PUS10: variants seen among roughly 807,000 people sequenced by gnomAD.
The protein encoded by PUS10 is tRNA pseudouridine synthase Pus10.
Under a neutral mutation model 75.0 loss-of-function variants are expected in PUS10, and 59 were observed. The ratio of observed to expected loss-of-function variants is 0.79; its 90% CI spans 0.64 to 0.98. The LOEUF is 0.98. PUS10 is among the 50% of genes least tolerant of loss of function. The pLI is 0.00. For missense variants in PUS10, 650 were observed against 614.4 expected, an observed-to-expected ratio of 1.06 and a Z score of -0.61; for synonymous variants, 219 against 211.6, an observed-to-expected ratio of 1.03 and a Z score of -0.30.
At chr2:60,944,401 G>A (rs572696114) in intron 17 of PUS10, 1 of 205,798 alleles carries the variant, frequency 4.9e-6, no homozygotes, top group East Asian at 1.8e-4. Flanking sequence ...AAATCCCCAA[G>A]TCCTAAGATT....
chr2:60,978,146 G>A (rs1677150560), intron 4 of PUS10, among the ~76,000 whole-genome samples: 1 of 152,060 alleles, frequency 6.6e-6, no homozygotes, highest in Non-Finnish European at 1.5e-5. Context: ...AGGGCAGGCC[G>A]GCTTGGGGCT....
At position 61,008,801 on chromosome 2, in the gene PUS10, C is replaced by T. The variant is rs1054883790; in HGVS notation, c.341G>A (p.Gly114Glu). 1.3e-6 allele frequency: 2 copies of T among 1,597,588 alleles called. No homozygotes were observed. Among genetic ancestry groups the T allele is most frequent in the Non-Finnish European group, 1.7e-6 (2 of 1,172,266 alleles). Residue 114 changes from glycine to glutamate, a missense_variant, in exon 3 of 18, where the codon GGA becomes GAA. Physicochemically the swap from Gly to Glu is moderately conservative, Grantham distance 98. Transcript: ENST00000316752. ...SNLNVCNVCL[G>E]ILQEFCEKDF... Reference sequence around the variant, plus strand: ...TTTCTCACAGAATTCTTGAAGAATTCCTAGGCATACATTACATACATTTAA... The same window carrying T: ...TTTCTCACAGAATTCTTGAAGAATTTCTAGGCATACATTACATACATTTAA...
At chr2:60,952,098 G>A (rs1675370498) in intron 15 of PUS10, among the ~76,000 whole-genome samples, 1 of 152,166 alleles carries the variant, frequency 6.6e-6, no homozygotes, top group South Asian at 2.1e-4. Flanking sequence ...CACTTTGGGA[G>A]GCTGGGGCAG....
intron 2 of PUS10, chr2:61,010,779 A>G (rs1679546971): frequency 6.5e-7 from 1 of 1,550,032 alleles, no homozygotes; most frequent in Non-Finnish European, 8.7e-7. Flanking sequence ...TTCTAGTTCC[A>G]AATCCTAGGT....
At chr2:60,950,567 G>A (rs528409644) in intron 15 of PUS10, among the ~76,000 whole-genome samples, 8 of 151,976 alleles carry the variant, frequency 5.3e-5, no homozygotes, top group Admixed American at 1.3e-4. Flanking sequence ...ACAGGCATGC[G>A]CCACCACACC....
intron 16 of PUS10, among the ~76,000 whole-genome samples, chr2:60,947,815 C>G (rs754376350): frequency 8.3e-6 from 1 of 120,226 alleles, no homozygotes; most frequent in Non-Finnish European, 1.6e-5. Flanking sequence ...GGCGACAGAG[C>G]GAGACTCTGC....
chr2:60,992,139 T>C (rs1456193858), intron 4 of PUS10, among the ~76,000 whole-genome samples: 1 of 152,028 alleles, frequency 6.6e-6, no homozygotes, highest in African/African-American at 2.4e-5. Context: ...AGCTTCCAAG[T>C]AGCTGGGACT....
At chr2:60,961,195 T>C (rs1316024141) in intron 10 of PUS10, among the ~76,000 whole-genome samples, 2 of 152,238 alleles carry the variant, frequency 1.3e-5, no homozygotes, top group Non-Finnish European at 2.9e-5. Flanking sequence ...CCCATATTTC[T>C]ACTTGGCCAT....
At chr2:60,944,578 C>A (rs1674822849) in intron 17 of PUS10, among the ~76,000 whole-genome samples, 1 of 152,274 alleles carries the variant, frequency 6.6e-6, no homozygotes, top group East Asian at 1.9e-4. Flanking sequence ...TCAATTCAGA[C>A]TGTAAGAGCA....
intron 5 of PUS10, among the ~76,000 whole-genome samples, chr2:60,968,160 T>C (rs1676455336): frequency 6.6e-6 from 1 of 152,144 alleles, no homozygotes; most frequent in African/African-American, 2.4e-5. Context: ...TATTATCAGA[T>C]AAATAGCTGA....
intron 4 of PUS10, among the ~76,000 whole-genome samples, chr2:61,003,183 C>T (rs1011670148): frequency 5.3e-5 from 8 of 152,010 alleles, no homozygotes; most frequent in Non-Finnish European, 8.8e-5. Flanking sequence ...CTATTGGGGC[C>T]GGGAGCGGTG....
intron 4 of PUS10, among the ~76,000 whole-genome samples, chr2:60,995,532 A>T (rs1385303470): frequency 1.3e-5 from 2 of 152,166 alleles, no homozygotes; most frequent in Non-Finnish European, 2.9e-5. Flanking sequence ...AACAAGAAAA[A>T]CCTAGACCTG....
chr2:60,951,009 G>A (rs567927318), intron 15 of PUS10, among the ~76,000 whole-genome samples: 1 of 152,152 alleles, frequency 6.6e-6, no homozygotes, highest in African/African-American at 2.4e-5. Context: ...TTAGTCTAAG[G>A]GGAATAAAGT....
intron 17 of PUS10, among the ~76,000 whole-genome samples, chr2:60,944,628 C>T (rs1371632020): frequency 6.6e-6 from 1 of 152,196 alleles, no homozygotes; most frequent in African/African-American, 2.4e-5. Context: ...TATAGAACTG[C>T]TTTTATGAAG....
At chr2:60,992,872 C>T (rs1678199689) in intron 4 of PUS10, among the ~76,000 whole-genome samples, 1 of 152,206 alleles carries the variant, frequency 6.6e-6, no homozygotes, top group Non-Finnish European at 1.5e-5. Context: ...TTTGATCATA[C>T]TCGATACCGC....
intron 4 of PUS10, among the ~76,000 whole-genome samples, chr2:60,982,407 T>C (rs926700317): frequency 1.3e-5 from 2 of 151,854 alleles, no homozygotes; most frequent in Non-Finnish European, 2.9e-5. Context: ...GGATTACAGG[T>C]GTGCACCACC....
At chr2:60,961,767 G>A (rs1034263677) in intron 9 of PUS10, among the ~76,000 whole-genome samples, 4 of 152,102 alleles carry the variant, frequency 2.6e-5, no homozygotes, top group African/African-American at 4.8e-5. Flanking sequence ...TTTCACCTTC[G>A]GGAGGACTTA....
intron 17 of PUS10, among the ~76,000 whole-genome samples, chr2:60,943,486 A>AC (rs761682833): frequency 2.1e-5 from 3 of 144,868 alleles, no homozygotes; most frequent in Non-Finnish European, 4.6e-5. Flanking sequence ...AAAAAAAAAA[A>AC]CCCACCGTAT....
intron 4 of PUS10, among the ~76,000 whole-genome samples, chr2:60,993,625 C>T (rs1466154437): frequency 1.3e-5 from 2 of 152,060 alleles, no homozygotes; most frequent in East Asian, 3.8e-4. Context: ...TGAATGGTAT[C>T]TAGTCTAGAA....
Sources: allele counts gnomAD v4.1 joint callset (sites outside exome capture counted in the v4.1 genomes callset), GRCh38; gene constraint gnomAD v4.1.1; transcripts MANE v1.5; gene names NCBI Gene and HGNC (gene_info 2026-07-23, HGNC 2026-07-21).